SLC25A23: variants seen among roughly 807,000 people sequenced by gnomAD.
The protein encoded by SLC25A23 is mitochondrial adenyl nucleotide antiporter SLC25A23.
Under a neutral mutation model 53.9 loss-of-function variants are expected in SLC25A23, and 32 were observed. The observed-to-expected ratio is 0.59, with a 90% CI of 0.45 to 0.80. The LOEUF is 0.80. Ranked by LOEUF, SLC25A23 falls within the 30% of genes least tolerant of loss-of-function variation. The probability of loss-of-function intolerance (pLI) is 0.00; values close to 1 mark genes in which losing one functional copy is unlikely to be tolerated. For missense variants in SLC25A23, 575 were observed against 651.4 expected, an observed-to-expected ratio of 0.88 and a Z score of 1.28; for synonymous variants, 275 against 264.5, an observed-to-expected ratio of 1.04 and a Z score of -0.38.
chr19:6,448,810 C>T (rs1375971239), intron 8 of SLC25A23, among the ~76,000 whole-genome samples: 3 of 151,010 alleles, frequency 2.0e-5, no homozygotes, highest in Non-Finnish European at 3.0e-5. Context: ...GATCACTTGA[C>T]GTCAGGAGTT....
rs779055326 is a variant in SLC25A23 at position 6,444,173 on chromosome 19, G to A, written c.1200C>T (p.Val400=). 14 of 1,594,306 alleles carry A rather than the reference G, an allele frequency of 8.8e-6. No individual in the cohort carries two copies. Among genetic ancestry groups the A allele is most frequent in the Non-Finnish European group, 1.2e-5 (14 of 1,170,098 alleles). Residue 400 remains valine (V), a synonymous_variant, in exon 9 of 10, where the codon GTC becomes GTT. Coordinates refer to ENST00000301454, the MANE Select transcript of SLC25A23 (RefSeq NM_024103.3). ...GQIASYPLAL[V]RTRMQAQASI... Reference sequence around the variant, plus strand: ...CACCTTGTGCCTGCATGCGGGTCCGGACCAGGGCCAGCGGGTAACTGGCTA... The same window carrying A: ...CACCTTGTGCCTGCATGCGGGTCCGAACCAGGGCCAGCGGGTAACTGGCTA...
rs776240701 is a variant in SLC25A23, at chr19:6,454,325, G to C, written c.793C>G (p.Gln265Glu). The change falls in exon 6 of 10, where the codon CAG becomes GAG. Residue 265 changes from glutamine (Q) to glutamate (E), a missense_variant and splice_region_variant. Physicochemically the swap from Gln to Glu is conservative, Grantham distance 29. Transcript: ENST00000301454. This position sits in a 1 kb window ranked among gnomAD's most constrained non-coding sequence, Gnocchi z 4.3. Reference protein sequence around the residue: ...ESAIKFMAYEQIKRAILGQQE... With the variant: ...ESAIKFMAYEEIKRAILGQQE... ...TTCCTCCCTGTACCTGCCCTCACCT[G>C]TTCATAGGCCATGAACTTGATAGCT... 1 of 1,613,658 alleles carries C rather than the reference G, an allele frequency of 6.2e-7. No individual in the cohort carries two copies. The highest frequency in any genetic ancestry group is 8.5e-7 in the Non-Finnish European group (1 of 1,179,706).
At chr19:6,451,080 GAA>G (rs768302760) in intron 8 of SLC25A23, among the ~76,000 whole-genome samples, 2 of 112,014 alleles carry the variant, frequency 1.8e-5, no homozygotes, top group Non-Finnish European at 3.8e-5. Flanking sequence ...TCTGTCTCGG[GAA>G]AAAAAAAAAA....
intron 3 of SLC25A23, among the ~76,000 whole-genome samples, chr19:6,457,265 C>A (rs1244381470): frequency 6.6e-6 from 1 of 151,578 alleles, no homozygotes; most frequent in East Asian, 1.9e-4. Flanking sequence ...TGGGGTTTTA[C>A]CATGTTGGCC....
chr19:6,439,384 A>ATCTCTC (rs71174914), downstream of SLC25A23, among the ~76,000 whole-genome samples: 2 of 137,898 alleles, frequency 1.5e-5, no homozygotes, highest in South Asian at 4.7e-4. Context: ...GTGAGATCCT[A>ATCTCTC]TCTCTCTCTC....
chr19:6,456,153 C>T, intron 4 of SLC25A23: 1 of 1,403,540 alleles, frequency 7.1e-7, no homozygotes, highest in South Asian at 1.3e-5. Flanking sequence ...CTTCCCTGTA[C>T]CCGCAACCCC....
downstream of SLC25A23, among the ~76,000 whole-genome samples, chr19:6,437,597 C>A (rs1317723443): frequency 1.3e-5 from 2 of 151,994 alleles, no homozygotes; most frequent in Non-Finnish European, 2.9e-5. Context: ...ATCACGAGGT[C>A]AGGAGTTCAA....
At chr19:6,447,052 CAAGTTT>C (rs1442991094) in intron 8 of SLC25A23, among the ~76,000 whole-genome samples, 2 of 151,684 alleles carry the variant, frequency 1.3e-5, no homozygotes, top group Non-Finnish European at 2.9e-5. Context: ...TCTCCCCTAA[CAAGTTT>C]GAGAGGGAGT....
Position 6,454,079 on chromosome 19 carries a change from C to T in SLC25A23, c.805G>A (p.Ala269Thr). 3 of 1,612,590 alleles carry T rather than the reference C, an allele frequency of 1.9e-6. No individual in the cohort carries two copies. Among genetic ancestry groups the T allele is most frequent in the South Asian group, 2.2e-5 (2 of 90,928 alleles). The change falls in exon 7 of 10, where the codon GCC becomes ACC. Residue 269 changes from alanine (A) to threonine (T), a missense_variant. By Grantham distance (58) the Ala-to-Thr change is moderately conservative. Transcript: ENST00000301454. This position sits in a 1 kb window ranked among gnomAD's most constrained non-coding sequence, Gnocchi z 4.3. ...KFMAYEQIKR[A>T]ILGQQETLHV... is the part of the protein sequence containing the mutation. ...AGTGTCTCCTGCTGCCCCAGGATGG[C>T]CCTCTTGATCTGAGGCGGGGAGACA... is the stretch of plus-strand genomic sequence containing the variant.
chr19:6,458,341 G>C lies in SLC25A23; in HGVS notation c.157-17C>G. The C allele has an allele frequency of 1.2e-6, 2 of 1,609,566 alleles. No individual in the cohort carries two copies. Reference sequence around the variant, plus strand: ...GGAGATACCCTGACAGAGGGAAAGGGGATAGAGGTGGCTCCAGGAACCTGC... The same window carrying C: ...GGAGATACCCTGACAGAGGGAAAGGCGATAGAGGTGGCTCCAGGAACCTGC... On this transcript the variant is annotated splice_polypyrimidine_tract_variant and intron_variant, in intron 1 of 9. Coordinates refer to ENST00000301454, the MANE Select transcript of SLC25A23 (RefSeq NM_024103.3).
intron 3 of SLC25A23, among the ~76,000 whole-genome samples, chr19:6,457,212 A>T (rs1243961035): frequency 1.3e-5 from 2 of 151,668 alleles, no homozygotes; most frequent in Non-Finnish European, 2.9e-5. Flanking sequence ...AATTACAGGC[A>T]TGCACCACCA....
intron 9 of SLC25A23, chr19:6,443,700 A>G: frequency 1.5e-6 from 1 of 688,102 alleles, no homozygotes; most frequent in African/African-American, 1.8e-5. Flanking sequence ...ATTCTCAAGA[A>G]AATTCTCAAA....
chr19:6,448,509 C>T (rs2092539823), intron 8 of SLC25A23, among the ~76,000 whole-genome samples: 2 of 151,082 alleles, frequency 1.3e-5, no homozygotes, highest in South Asian at 4.2e-4. Context: ...CTCGCTCTCT[C>T]ACCCAGGGTG....
chr19:6,444,112 T>C (rs1188401893), intron 9 of SLC25A23, 39 bp downstream of exon 9: 1 of 1,494,924 alleles, frequency 6.7e-7, no homozygotes. Context: ...GCCCAAGCGA[T>C]GAGACTCCCC....
At chr19:6,456,559 G>C in intron 3 of SLC25A23, 28 bp from the exon 4 acceptor site, 2 of 1,558,770 alleles carry the variant, frequency 1.3e-6, no homozygotes, top group Non-Finnish European at 1.8e-6. Context: ...GGTGGAGGAG[G>C]ACAGGTTCAG....
chr19:6,441,651 T>C lies in SLC25A23; in HGVS notation c.*324A>G. 1 of 361,182 alleles carries C rather than the reference T, an allele frequency of 2.8e-6. No individual in the cohort carries two copies. Among genetic ancestry groups the C allele is most frequent in the Admixed American group, 4.3e-5 (1 of 23,456 alleles). 22.4% of individuals were successfully genotyped at this position (361,182 alleles called of 1,614,324 possible). ...GGGATGGGGATTAAGGGCTGGGGTG[T>C]GGATAATCTTGAATCTTGTGGTTAG... On this transcript the variant is annotated 3_prime_UTR_variant, in exon 10 of 10. Transcript: ENST00000301454.
At position 6,441,864 on chromosome 19, in the gene SLC25A23, C is replaced by A; in HGVS notation, c.*111G>T. On this transcript the variant is annotated 3_prime_UTR_variant, in exon 10 of 10. Coordinates refer to ENST00000301454, the MANE Select transcript of SLC25A23 (RefSeq NM_024103.3). ...GGCATAGGAGTCTAGGATCCAGGAT[C>A]TGGGTACTGGGATCTCGTGGCCAAA... is the stretch of plus-strand genomic sequence containing the variant. 1.0e-6 allele frequency: 1 copy of A among 995,176 alleles called. No homozygotes were observed. Among genetic ancestry groups the A allele is most frequent in the Non-Finnish European group, 1.5e-6 (1 of 660,634 alleles). The allele number at this position is 995,176 out of a possible 1,614,324, so 61.6% of individuals were successfully genotyped here.
intron 9 of SLC25A23, among the ~76,000 whole-genome samples, chr19:6,442,832 T>C (rs924480101): frequency 6.6e-6 from 1 of 151,878 alleles, no homozygotes; most frequent in African/African-American, 2.4e-5. Flanking sequence ...ATTACAGGCG[T>C]GAACCACCAC....
chr19:6,452,583 GAAC>G (rs1366367923), intron 7 of SLC25A23, 104 bp from the exon 8 acceptor site: 3 of 1,359,610 alleles, frequency 2.2e-6, no homozygotes, highest in Non-Finnish European at 2.0e-6. Flanking sequence ...GATGCCCTGA[GAAC>G]AACCGAATTT....
Sources: gnomAD v4.1 joint callset for allele counts (sites outside exome capture counted in the v4.1 genomes callset) on GRCh38, gnomAD v4.1.1 for gene constraint, Gnocchi (gnomAD v3.1) non-coding constraint, MANE v1.5 for transcripts, NCBI Gene and HGNC (gene_info 2026-07-23, HGNC 2026-07-21) for gene names.